Variants in ACVR1 observed in about 807,000 individuals in gnomAD.
ACVR1 encodes the protein activin A receptor type 1.
In ACVR1, 38 loss-of-function variants were observed where a neutral mutation model predicts 57.1. The observed-to-expected ratio is 0.67, with a 90% CI of 0.51 to 0.87. The LOEUF is 0.87. Among genes scored for constraint, ACVR1 ranks in the 40% least tolerant of loss-of-function variants. The probability of loss-of-function intolerance (pLI) is 0.00; values close to 1 mark genes in which losing one functional copy is unlikely to be tolerated. For synonymous variants in ACVR1, 212 were observed against 228.1 expected, an observed-to-expected ratio of 0.93 and a Z score of 0.63; for missense variants, 463 against 638.2, an observed-to-expected ratio of 0.73 and a Z score of 2.96.
At chr2:157,862,456 CACAG>C (rs1049077623) in intron 1 of ACVR1, among the ~76,000 whole-genome samples, 3 of 128,076 alleles carry the variant, frequency 2.3e-5, no homozygotes, top group African/African-American at 5.2e-5. Context: ...CACACACACA[CACAG>C]AGTACAAAAC....
chr2:157,823,950 G>T (rs1688245774), intron 1 of ACVR1, among the ~76,000 whole-genome samples: 1 of 152,142 alleles, frequency 6.6e-6, no homozygotes, highest in African/African-American at 2.4e-5. Flanking sequence ...TCCCAGCCCT[G>T]GCCCATGTAA....
chr2:157,805,288 G>A (rs1687477328), intron 2 of ACVR1, among the ~76,000 whole-genome samples: 1 of 152,232 alleles, frequency 6.6e-6, no homozygotes, highest in East Asian at 1.9e-4. Context: ...ACATACTTTA[G>A]TGAGTACCTT....
At chr2:157,756,253 G>C (rs1685421908) in intron 9 of ACVR1, among the ~76,000 whole-genome samples, 1 of 152,028 alleles carries the variant, frequency 6.6e-6, no homozygotes, top group African/African-American at 2.4e-5. Context: ...ATTGGCTTAG[G>C]AAAAGACTTC....
chr2:157,755,559 A>G (rs140037521), intron 9 of ACVR1, among the ~76,000 whole-genome samples: 2,577 of 128,212 alleles, frequency 0.02, 69 homozygotes, highest in African/African-American at 0.07. Flanking sequence ...ATACCATACC[A>G]TACCATACCG....
chr2:157,802,618 C>T (rs1559066041), intron 2 of ACVR1, among the ~76,000 whole-genome samples: 1 of 152,150 alleles, frequency 6.6e-6, no homozygotes, highest in East Asian at 1.9e-4. Flanking sequence ...GCCCAACCTA[C>T]TGAATTCCTA....
At chr2:157,871,748 A>G (rs1690119403) in intron 1 of ACVR1, among the ~76,000 whole-genome samples, 1 of 152,234 alleles carries the variant, frequency 6.6e-6, no homozygotes, top group South Asian at 2.1e-4. Flanking sequence ...GCACAGGAAT[A>G]GTATTCGAAT....
chr2:157,770,360 G>A lies in ACVR1; in HGVS notation c.790+8C>T, dbSNP rs770778507. On this transcript the variant is annotated splice_region_variant and intron_variant, in intron 7 of 10. Transcript: ENST00000434821. ...TACAATTAATGAGGGGGTTATCCTTGTACTTACCTAAGATATTTTCATGCC... is the reference window on the plus strand; with the variant it reads ...TACAATTAATGAGGGGGTTATCCTTATACTTACCTAAGATATTTTCATGCC... The A allele has an allele frequency of 6.2e-7, 1 of 1,613,852 alleles. No individual in the cohort carries two copies. Among genetic ancestry groups the A allele is most frequent in the Non-Finnish European group, 8.5e-7 (1 of 1,179,810 alleles).
chr2:157,818,883 C>G (rs1304777817), intron 1 of ACVR1, among the ~76,000 whole-genome samples: 1 of 151,608 alleles, frequency 6.6e-6, no homozygotes, highest in Non-Finnish European at 1.5e-5. Flanking sequence ...TCGAGACCAT[C>G]CCGGCTAAAA....
intron 1 of ACVR1, chr2:157,819,541 GAA>G (rs1422519972): frequency 6.7e-6 from 1 of 149,466 alleles, no homozygotes; most frequent in Non-Finnish European, 1.5e-5. Flanking sequence ...ACTACAGAAT[GAA>G]AAGTCTTTCT....
Position 157,825,992 on chromosome 2 carries a change from T to C in ACVR1, c.-182-7433A>G, listed in dbSNP as rs1688334266. ...CCCCATTGCAGCAGCACTCCAGCTCTCCTCATTACCATGAGACATCCGTGT... is the reference window on the plus strand; with the variant it reads ...CCCCATTGCAGCAGCACTCCAGCTCCCCTCATTACCATGAGACATCCGTGT... On this transcript the variant is annotated intron_variant, in intron 1 of 10. Coordinates refer to ENST00000434821, the MANE Select transcript of ACVR1 (RefSeq NM_001111067.4). 3.3e-5 allele frequency among the ~76,000 whole-genome samples: 5 copies of C among 152,336 alleles called. No individual in the cohort carries two copies. The South Asian group carries it at 1.0e-3, about 32-fold the overall frequency.
At chr2:157,752,303 G>C (rs1020837556) in intron 9 of ACVR1, among the ~76,000 whole-genome samples, 1 of 152,158 alleles carries the variant, frequency 6.6e-6, no homozygotes, top group Non-Finnish European at 1.5e-5. Context: ...AAAAGAATCT[G>C]AACAGCAGCC....
In ACVR1 at chr2:157,839,213, T is replaced by C. The variant is rs78830250; in HGVS notation, c.-182-20654A>G. Reference sequence around the variant, plus strand: ...GTTAATGACAGTCTCAGTAACCTGATCCTCTCACAGTGGGAGTCTTGAGTA... The same window carrying C: ...GTTAATGACAGTCTCAGTAACCTGACCCTCTCACAGTGGGAGTCTTGAGTA... On this transcript the variant is annotated intron_variant, in intron 1 of 10. Coordinates refer to ENST00000434821, the MANE Select transcript of ACVR1 (RefSeq NM_001111067.4). 8.2e-3 allele frequency among the ~76,000 whole-genome samples: 1,244 copies of C among 152,296 alleles called. 15 individuals are homozygous for C. The highest frequency in any genetic ancestry group is 0.029 in the African/African-American group (1,189 of 41,558).
chr2:157,828,860 G>C (rs900279951), intron 1 of ACVR1, among the ~76,000 whole-genome samples: 1 of 152,010 alleles, frequency 6.6e-6, no homozygotes, highest in East Asian at 1.9e-4. Flanking sequence ...TCTGCCTCCC[G>C]GGCTCAAGCG....
Position 157,761,010 on chromosome 2 carries a change from G to C in ACVR1, c.1134C>G (p.Thr378=). The C allele has an allele frequency of 1.9e-6, 3 of 1,614,114 alleles. No homozygotes were observed. Among genetic ancestry groups the C allele is most frequent in the Non-Finnish European group, 1.7e-6 (2 of 1,180,014 alleles). Residue 378 remains threonine (T), a synonymous_variant, in exon 9 of 11, where the codon ACC becomes ACG. Transcript: ENST00000434821. ...GAACTTCGGGGGCCATGTAGCGCTT[G>C]GTGCCCACACGGGGATTGTTCCCCA... ...LDVGNNPRVG[T]KRYMAPEVLD...
At chr2:157,817,406 G>A (rs548322299) in intron 2 of ACVR1, among the ~76,000 whole-genome samples, 126 of 152,280 alleles carry the variant, frequency 8.3e-4, no homozygotes, top group Non-Finnish European at 1.4e-3. Flanking sequence ...GGTAGAACAC[G>A]GAGATCTTTA....
intron 1 of ACVR1, among the ~76,000 whole-genome samples, chr2:157,829,938 G>C (rs1192990537): frequency 2.0e-5 from 3 of 152,226 alleles, no homozygotes; most frequent in African/African-American, 4.8e-5. Flanking sequence ...CAAGAGGCTG[G>C]GCGCAGTGGC....
At chr2:157,739,867 T>C (rs764527378) in intron 9 of ACVR1, among the ~76,000 whole-genome samples, 7 of 152,220 alleles carry the variant, frequency 4.6e-5, no homozygotes, top group Admixed American at 1.3e-4. Context: ...ATATTTGAGA[T>C]GGAAACAAGT....
At chr2:157,743,580 T>C (rs1684857380) in intron 9 of ACVR1, among the ~76,000 whole-genome samples, 1 of 151,908 alleles carries the variant, frequency 6.6e-6, no homozygotes. Context: ...ATTTGGAACT[T>C]TTTACATTTT....
At chr2:157,812,667 GCAAA>G (rs1236125164) in intron 2 of ACVR1, among the ~76,000 whole-genome samples, 1 of 152,046 alleles carries the variant, frequency 6.6e-6, no homozygotes, top group Non-Finnish European at 1.5e-5. Context: ...TCATATATAC[GCAAA>G]CAATTAGCCC....
Sources: gnomAD v4.1 joint callset for allele counts (sites outside exome capture counted in the v4.1 genomes callset) on GRCh38, gnomAD v4.1.1 for gene constraint, MANE v1.5 for transcripts, NCBI Gene and HGNC (gene_info 2026-07-23, HGNC 2026-07-21) for gene names.